BRINP3: variants seen among roughly 807,000 people sequenced by gnomAD.
BRINP3 encodes BMP/retinoic acid-inducible neural-specific protein 3.
In BRINP3, 19 loss-of-function variants were observed where a neutral mutation model predicts 71.0. The observed-to-expected ratio is 0.27, with a 90% CI of 0.19 to 0.39. The LOEUF (loss-of-function observed/expected upper bound fraction) is 0.39. BRINP3 is among the 10% of genes least tolerant of loss of function. The probability of loss-of-function intolerance (pLI) is 1.00; values close to 1 mark genes in which losing one functional copy is unlikely to be tolerated. For missense variants in BRINP3, 959 were observed against 940.8 expected (o/e 1.02, Z -0.25); for synonymous variants, 380 against 337.7 (o/e 1.13, Z -1.37).
chr1:190,158,061 A>C (rs2102448659), intron 7 of BRINP3, among the ~76,000 whole-genome samples: 1 of 152,272 alleles, frequency 6.6e-6, no homozygotes. Context: ...GAACTGATAT[A>C]GTTTGGCTGT....
At position 190,228,524 on chromosome 1, in the gene BRINP3, T is replaced by G. The variant is rs570906866; in HGVS notation, c.725-2206A>C. 2.0e-5 allele frequency among the ~76,000 whole-genome samples: 3 copies of G among 152,002 alleles called. No individual in the cohort carries two copies. In the Admixed American group the frequency reaches 2.0e-4, roughly 10 times the overall value. The stretch of plus-strand genomic sequence containing the variant: ...AAGTAATTTGGGGAGGAATGATTGG[T>G]GGCAAGAAATGGTGAGTTCCGCTTT... On this transcript the variant is annotated intron_variant, in intron 5 of 7. Coordinates refer to ENST00000367462, the MANE Select transcript of BRINP3 (RefSeq NM_199051.3).
intron 6 of BRINP3, among the ~76,000 whole-genome samples, chr1:190,188,034 TTCTG>T (rs1338853544): frequency 2.0e-5 from 3 of 152,106 alleles, no homozygotes; most frequent in African/African-American, 7.2e-5. Flanking sequence ...TTTTATTTAT[TTCTG>T]TCTTTCTCAA....
intron 7 of BRINP3, among the ~76,000 whole-genome samples, chr1:190,105,940 T>A (rs1652122826): frequency 6.6e-6 from 1 of 151,966 alleles, no homozygotes. Context: ...CAAAAATAAC[T>A]ATATTTTAAA....
intron 5 of BRINP3, among the ~76,000 whole-genome samples, chr1:190,228,443 T>C (rs1657612615): frequency 6.6e-6 from 1 of 151,958 alleles, no homozygotes; most frequent in South Asian, 2.1e-4. Flanking sequence ...ATCATTGCAT[T>C]ACAACGTTGA....
chr1:190,310,588 C>T (rs1029669973), intron 2 of BRINP3, among the ~76,000 whole-genome samples: 2 of 151,794 alleles, frequency 1.3e-5, no homozygotes, highest in African/African-American at 2.4e-5. Flanking sequence ...AAGCCAAGAT[C>T]ATCAGTTATG....
chr1:190,361,924 T>C (rs1669175286), intron 2 of BRINP3: 1 of 152,126 alleles, frequency 6.6e-6, no homozygotes, highest in Admixed American at 6.6e-5. Context: ...TGTGTCTGTA[T>C]TTGGAGATAA....
intron 2 of BRINP3, among the ~76,000 whole-genome samples, chr1:190,287,748 T>C (rs1249794455): frequency 2.0e-5 from 3 of 152,102 alleles, no homozygotes; most frequent in African/African-American, 2.4e-5. Flanking sequence ...CTCATGACTA[T>C]CATTGAAACA....
At chr1:190,442,027 G>A (rs1674856841) in intron 2 of BRINP3, among the ~76,000 whole-genome samples, 1 of 151,850 alleles carries the variant, frequency 6.6e-6, no homozygotes, top group African/African-American at 2.4e-5. Context: ...TCAATCTTTA[G>A]AATCTTTTGT....
In BRINP3 at chr1:190,098,070, T is replaced by A. The variant is rs745844562; in HGVS notation, c.2249A>T (p.Asn750Ile). ...ATCCATTGTGTTTGGCAATTTGGCA[T>A]TAAACGCCTGCAGAGCAGATTGGAT... ...VRIQSALQAFNAKLPNTMDYD... is the reference protein window; with the variant it reads ...VRIQSALQAFIAKLPNTMDYD... The change falls in exon 8 of 8, where the codon AAT becomes ATT. Residue 750 changes from asparagine to isoleucine, a missense_variant. Physicochemically the swap from Asn to Ile is moderately radical, Grantham distance 149. Coordinates refer to ENST00000367462, the MANE Select transcript of BRINP3 (RefSeq NM_199051.3). 3.7e-6 allele frequency: 6 copies of A among 1,613,896 alleles called. No homozygotes were observed. In the South Asian group the frequency reaches 6.6e-5, roughly 18 times the overall value.
At chr1:190,179,511 A>C (rs1247581519) in intron 6 of BRINP3, among the ~76,000 whole-genome samples, 2 of 152,072 alleles carry the variant, frequency 1.3e-5, no homozygotes, top group African/African-American at 4.8e-5. Flanking sequence ...CGAGGTCTTG[A>C]CTTTCCATTT....
At chr1:190,161,115 G>A (rs1044524642) in intron 6 of BRINP3, among the ~76,000 whole-genome samples, 29 of 151,996 alleles carry the variant, frequency 1.9e-4, no homozygotes, top group Non-Finnish European at 5.9e-5. Context: ...GAACTTTCAT[G>A]AAAGAAGAAA....
intron 1 of BRINP3, among the ~76,000 whole-genome samples, chr1:190,466,907 T>A (rs1265007581): frequency 1.3e-5 from 2 of 151,572 alleles, no homozygotes; most frequent in Non-Finnish European, 3.0e-5. Flanking sequence ...TTTAAAAAAA[T>A]TATTGGAAAT....
At chr1:190,466,711 A>G (rs1189666262) in intron 1 of BRINP3, among the ~76,000 whole-genome samples, 1 of 151,646 alleles carries the variant, frequency 6.6e-6, no homozygotes, top group Non-Finnish European at 1.5e-5. Flanking sequence ...ATTCCACTGT[A>G]GTTTAGGCAA....
chr1:190,454,218 T>C (rs913516901), intron 2 of BRINP3, among the ~76,000 whole-genome samples: 1 of 152,190 alleles, frequency 6.6e-6, no homozygotes, highest in Non-Finnish European at 1.5e-5. Context: ...TACAATTACC[T>C]TTCAGGTAAA....
intron 6 of BRINP3, among the ~76,000 whole-genome samples, chr1:190,182,804 A>G (rs937748124): frequency 6.6e-6 from 1 of 152,178 alleles, no homozygotes; most frequent in Non-Finnish European, 1.5e-5. Flanking sequence ...TGGTTCACAC[A>G]GTATCCATTG....
intron 6 of BRINP3, among the ~76,000 whole-genome samples, chr1:190,174,571 T>C (rs1055560439): frequency 2.6e-5 from 4 of 152,120 alleles, no homozygotes; most frequent in African/African-American, 9.7e-5. Context: ...AATGTAATAA[T>C]ATGTAGCTAA....
intron 2 of BRINP3, among the ~76,000 whole-genome samples, chr1:190,446,011 A>G (rs1450362162): frequency 5.3e-5 from 8 of 152,106 alleles, no homozygotes; most frequent in African/African-American, 1.9e-4. Context: ...TGTTTTAATT[A>G]TTACAAAAGC....
At chr1:190,422,249 A>G (rs778568462) in intron 2 of BRINP3, among the ~76,000 whole-genome samples, 10 of 151,864 alleles carry the variant, frequency 6.6e-5, no homozygotes, top group Non-Finnish European at 1.5e-4. Flanking sequence ...AATGTGACCA[A>G]TGATATTAAT....
intron 2 of BRINP3, among the ~76,000 whole-genome samples, chr1:190,339,853 T>C (rs1393012003): frequency 1.3e-5 from 2 of 151,972 alleles, no homozygotes; most frequent in African/African-American, 4.8e-5. Flanking sequence ...ATAGACATTG[T>C]CCTGATTTTA....
Sources: gnomAD v4.1 joint callset for allele counts (sites outside exome capture counted in the v4.1 genomes callset) on GRCh38, gnomAD v4.1.1 for gene constraint, MANE v1.5 for transcripts, NCBI Gene and HGNC (gene_info 2026-07-23, HGNC 2026-07-21) for gene names.